Variants in TRAF3 observed in about 807,000 individuals in gnomAD.
TRAF3 encodes the protein TNF receptor-associated factor 3.
Under a neutral mutation model 62.3 loss-of-function variants are expected in TRAF3, and 13 were observed. That is an observed-to-expected ratio of 0.21 (90% CI 0.14 to 0.33). The LOEUF (loss-of-function observed/expected upper bound fraction) is 0.33, where lower values mean the gene tolerates loss of function less well. Among genes scored for constraint, TRAF3 ranks in the 10% least tolerant of loss-of-function variants. TRAF3 has a pLI of 1.00. For synonymous variants in TRAF3, 269 were observed against 283.4 expected (o/e 0.95, Z 0.51); for missense variants, 440 against 741.8 (o/e 0.59, Z 4.73).
intron 2 of TRAF3, among the ~76,000 whole-genome samples, chr14:102,839,972 T>A (rs371261091): frequency 4.6e-5 from 7 of 152,130 alleles, no homozygotes; most frequent in African/African-American, 7.2e-5. Context: ...CAAACTCTTA[T>A]AGTGATAAGG....
intron 10 of TRAF3, among the ~76,000 whole-genome samples, chr14:102,899,486 G>A (rs545714934): frequency 1.3e-5 from 2 of 152,230 alleles, no homozygotes; most frequent in South Asian, 2.1e-4. Flanking sequence ...CCTGGCCACC[G>A]GTCACCTTCC....
intron 1 of TRAF3, among the ~76,000 whole-genome samples, chr14:102,802,098 C>T (rs1898465716): frequency 6.6e-6 from 1 of 150,986 alleles, no homozygotes; most frequent in African/African-American, 2.4e-5. Flanking sequence ...GTGGTCGTCC[C>T]ACCTTGGCCT....
intron 2 of TRAF3, among the ~76,000 whole-genome samples, chr14:102,859,135 T>C (rs897698576): frequency 2.0e-5 from 3 of 152,142 alleles, no homozygotes; most frequent in African/African-American, 4.8e-5. Context: ...TCCACAACTT[T>C]TGCAAACCTT....
At chr14:102,891,919 T>C (rs913190061) in intron 9 of TRAF3, among the ~76,000 whole-genome samples, 3 of 152,204 alleles carry the variant, frequency 2.0e-5, no homozygotes, top group Non-Finnish European at 4.4e-5. Flanking sequence ...CTGTGTTTTT[T>C]ACAAGAGACA....
chr14:102,878,373 TG>T (rs1566791719), intron 6 of TRAF3, among the ~76,000 whole-genome samples: 2 of 97,092 alleles, frequency 2.1e-5, no homozygotes, highest in Admixed American at 1.4e-4. Flanking sequence ...TAAGTGTGTG[TG>T]GGGGTGAGTG....
intron 4 of TRAF3, among the ~76,000 whole-genome samples, chr14:102,873,422 G>A (rs1401031259): frequency 6.6e-6 from 1 of 152,260 alleles, no homozygotes; most frequent in Non-Finnish European, 1.5e-5. Context: ...TAACGTGTGA[G>A]TGAGAGAGAA....
chr14:102,903,884 C>T lies in TRAF3; in HGVS notation c.1135+455C>T, dbSNP rs905550862. 5 of 433,640 alleles carry T rather than the reference C, an allele frequency of 1.2e-5. No homozygotes were observed. In the Admixed American group the frequency reaches 1.3e-4, roughly 11 times the overall value. The allele number at this position is 433,640 out of a possible 1,614,324, so 26.9% of individuals were successfully genotyped here. Reference sequence around the variant, plus strand: ...AGATGTGGGCCTATGGCTTTGGGGACTGAAAGAGTATTGGGAATATTTACA... The same window carrying T: ...AGATGTGGGCCTATGGCTTTGGGGATTGAAAGAGTATTGGGAATATTTACA... On this transcript the variant is annotated intron_variant, in intron 11 of 11. Transcript: ENST00000392745. This position sits in a 1 kb window ranked among gnomAD's most constrained non-coding sequence, Gnocchi z 6.4.
intron 10 of TRAF3, 151 bp downstream of exon 10, chr14:102,897,552 A>G (rs1427310793): frequency 1.8e-6 from 2 of 1,110,764 alleles, no homozygotes; most frequent in Non-Finnish European, 1.3e-6. Context: ...AAGGCTTAGA[A>G]AAGGCAGCTG....
intron 1 of TRAF3, among the ~76,000 whole-genome samples, chr14:102,787,440 G>T (rs928581192): frequency 6.6e-6 from 1 of 151,938 alleles, no homozygotes; most frequent in Non-Finnish European, 1.5e-5. Context: ...ACTTTGGGTG[G>T]CTGAGGTGGG....
intron 1 of TRAF3, among the ~76,000 whole-genome samples, chr14:102,782,233 C>T (rs922043418): frequency 2.0e-5 from 3 of 151,614 alleles, no homozygotes; most frequent in South Asian, 4.2e-4. Flanking sequence ...CCACCACACT[C>T]GGCCTATTTG....
At chr14:102,821,102 T>C (rs928448151) in intron 1 of TRAF3, among the ~76,000 whole-genome samples, 2 of 152,204 alleles carry the variant, frequency 1.3e-5, no homozygotes, top group South Asian at 4.1e-4. Context: ...CAAATATCAC[T>C]GTGTGTTCAT....
intron 4 of TRAF3, among the ~76,000 whole-genome samples, chr14:102,874,758 C>G (rs1012535026): frequency 2.6e-5 from 4 of 151,762 alleles, no homozygotes; most frequent in Non-Finnish European, 5.9e-5. Context: ...TAAAGCAGTC[C>G]TCTTGCCTCA....
chr14:102,903,453 C>T lies in TRAF3; in HGVS notation c.1135+24C>T, dbSNP rs1178738368. On this transcript the variant is annotated intron_variant, in intron 11 of 11. Coordinates refer to ENST00000392745, the MANE Select transcript of TRAF3 (RefSeq NM_145725.3). The surrounding 1 kb of genome is among the most constrained non-coding windows in gnomAD (Gnocchi z 6.4). ...AGGTGAGGCAGGGGCCGGGGCCGGGCCAGCAGTGTGCATCTGGGCCCCGGG... is the reference window on the plus strand; with the variant it reads ...AGGTGAGGCAGGGGCCGGGGCCGGGTCAGCAGTGTGCATCTGGGCCCCGGG... The T allele has an allele frequency of 6.2e-7, 1 of 1,612,664 alleles. No individual in the cohort carries two copies. Among genetic ancestry groups the T allele is most frequent in the South Asian group, 1.1e-5 (1 of 91,060 alleles).
intron 2 of TRAF3, among the ~76,000 whole-genome samples, chr14:102,848,848 C>T (rs1177546139): frequency 6.6e-6 from 1 of 152,184 alleles, no homozygotes; most frequent in Admixed American, 6.5e-5. Flanking sequence ...TATAGAGGCT[C>T]GATCGCTTTC....
chr14:102,894,182 C>T (rs1250646978), intron 9 of TRAF3, among the ~76,000 whole-genome samples: 1 of 152,086 alleles, frequency 6.6e-6, no homozygotes, highest in African/African-American at 2.4e-5. Flanking sequence ...AAAAAATTAG[C>T]TAGGAGTGGT....
At position 102,788,537 on chromosome 14, in the gene TRAF3, C is replaced by G. The variant is rs549640843; in HGVS notation, c.-157+10862C>G. Among the ~76,000 whole-genome samples the G allele has an allele frequency of 2.0e-5, 3 of 152,100 alleles. No homozygotes were observed. The South Asian group carries it at 6.2e-4, about 32-fold the overall frequency. On this transcript the variant is annotated intron_variant, in intron 1 of 11. Coordinates refer to ENST00000392745, the MANE Select transcript of TRAF3 (RefSeq NM_145725.3). ...TAGCTTGGTTGGGTGTGGTGTCTCA[C>G]GCCTGTAATCCCAGCACTTTGGGAG...
chr14:102,834,929 C>T (rs1885902567), intron 2 of TRAF3, among the ~76,000 whole-genome samples: 2 of 152,104 alleles, frequency 1.3e-5, no homozygotes, highest in South Asian at 4.1e-4. Flanking sequence ...AGCTTCTATA[C>T]AGCAAAAGAA....
chr14:102,851,656 A>G (rs942186216), intron 2 of TRAF3, among the ~76,000 whole-genome samples: 1 of 152,182 alleles, frequency 6.6e-6, no homozygotes, highest in African/African-American at 2.4e-5. Context: ...AGGCAGGAGA[A>G]TGGTGTGAAC....
At chr14:102,834,074 C>T (rs1885819032) in intron 2 of TRAF3, among the ~76,000 whole-genome samples, 1 of 151,974 alleles carries the variant, frequency 6.6e-6, no homozygotes, top group Non-Finnish European at 1.5e-5. Context: ...TTACCGAGGA[C>T]CTTCTTCACA....
Sources: allele counts gnomAD v4.1 joint callset (sites outside exome capture counted in the v4.1 genomes callset), GRCh38; gene constraint gnomAD v4.1.1; non-coding constraint Gnocchi (gnomAD v3.1); transcripts MANE v1.5; gene names NCBI Gene and HGNC (gene_info 2026-07-23, HGNC 2026-07-21).